The following ORC2 variants were observed in gnomAD, a reference collection of about 807,000 sequenced individuals.
ORC2 encodes origin recognition complex protein 2 homolog.
A neutral mutation model predicts 77.7 loss-of-function variants in ORC2; 37 were observed. That is an observed-to-expected ratio of 0.48 (90% CI 0.37 to 0.63). The LOEUF is 0.63. ORC2 is among the 20% of genes least tolerant of loss of function. The probability of loss-of-function intolerance (pLI) is 0.00; values close to 1 mark genes in which losing one functional copy is unlikely to be tolerated. For synonymous variants in ORC2, 201 were observed against 229.5 expected (o/e 0.88, Z 1.12); for missense variants, 557 against 661.9 (o/e 0.84, Z 1.74).
chr2:200,916,196 C>T (rs912774365), intron 15 of ORC2, among the ~76,000 whole-genome samples: 12 of 152,188 alleles, frequency 7.9e-5, no homozygotes, highest in Middle Eastern at 3.4e-3. Flanking sequence ...AAAATACTTG[C>T]ATTAGACTGG....
chr2:200,950,754 T>C (rs1169750568), intron 4 of ORC2, among the ~76,000 whole-genome samples: 1 of 152,126 alleles, frequency 6.6e-6, no homozygotes, highest in Non-Finnish European at 1.5e-5. Flanking sequence ...ATGGATTTAT[T>C]AGAAAATGGT....
At chr2:200,942,948 C>A (rs2041182399) in intron 5 of ORC2, 171 bp from the exon 6 acceptor site, 2 of 401,908 alleles carry the variant, frequency 5.0e-6, no homozygotes, top group Non-Finnish European at 8.9e-6. Flanking sequence ...AGCTGTCTTC[C>A]CAGAATCTTC....
chr2:200,931,223 A>G (rs1559012095), intron 11 of ORC2, 116 bp downstream of exon 11: 1 of 456,602 alleles, frequency 2.2e-6, no homozygotes, highest in South Asian at 4.8e-5. Context: ...TTATTTTTAT[A>G]TATGACTAAA....
chr2:200,914,829 G>A (rs1247919674), intron 15 of ORC2, among the ~76,000 whole-genome samples: 1 of 151,990 alleles, frequency 6.6e-6, no homozygotes, highest in African/African-American at 2.4e-5. Context: ...AACATCTAAA[G>A]AGAAAAATAT....
In ORC2 at chr2:200,911,868, C is replaced by T. The variant is rs16835543; in HGVS notation, c.1648-481G>A. The stretch of plus-strand genomic sequence containing the variant: ...GCTATGATGGCAGTCTCCATTTCCA[C>T]ACTTCTCATTCAGCACAGTTTAACT... On this transcript the variant is annotated intron_variant, in intron 17 of 17. Transcript: ENST00000234296. 2.4e-3 allele frequency among the ~76,000 whole-genome samples: 367 copies of T among 152,344 alleles called. 1 individual carries two copies. The highest frequency in any genetic ancestry group is 8.1e-3 in the African/African-American group (338 of 41,586).
chr2:200,927,675 G>A (rs1424717875), intron 11 of ORC2, among the ~76,000 whole-genome samples: 1 of 150,782 alleles, frequency 6.6e-6, no homozygotes, highest in African/African-American at 2.4e-5. Context: ...GGGCAACAGA[G>A]CAAGACAGTG....
At chr2:200,946,524 G>A (rs1021597586) in intron 5 of ORC2, among the ~76,000 whole-genome samples, 8 of 152,196 alleles carry the variant, frequency 5.3e-5, no homozygotes, top group Non-Finnish European at 8.8e-5. Flanking sequence ...TAATAAAGAC[G>A]AAATATCTAT....
intron 11 of ORC2, among the ~76,000 whole-genome samples, chr2:200,929,840 C>T (rs1404555752): frequency 6.6e-6 from 1 of 151,040 alleles, no homozygotes; most frequent in Non-Finnish European, 1.5e-5. Context: ...TAGGCAACTA[C>T]ACAAATGGAG....
chr2:200,912,041 T>C (rs1219042730), intron 17 of ORC2, among the ~76,000 whole-genome samples: 1 of 152,192 alleles, frequency 6.6e-6, no homozygotes, highest in Non-Finnish European at 1.5e-5. Context: ...AAAACATGCT[T>C]CTCTTGGCTT....
At chr2:200,930,293 A>G (rs1393647711) in intron 11 of ORC2, among the ~76,000 whole-genome samples, 1 of 152,218 alleles carries the variant, frequency 6.6e-6, no homozygotes, top group Non-Finnish European at 1.5e-5. Flanking sequence ...TCAGAGAGCT[A>G]GCAATTCCAA....
chr2:200,934,524 T>G (rs2041000942), intron 9 of ORC2, among the ~76,000 whole-genome samples: 1 of 151,212 alleles, frequency 6.6e-6, no homozygotes, highest in Non-Finnish European at 1.5e-5. Flanking sequence ...AGACAGGGTC[T>G]TATTATGTTA....
chr2:200,919,748 G>A (rs186461068), intron 15 of ORC2, among the ~76,000 whole-genome samples: 32 of 152,312 alleles, frequency 2.1e-4, no homozygotes, highest in African/African-American at 7.2e-4. Context: ...TGCTGTAAGG[G>A]CTTGACTGGA....
chr2:200,931,551 A>C, intron 10 of ORC2, 103 bp from the exon 11 acceptor site: 2 of 563,156 alleles, frequency 3.6e-6, no homozygotes, highest in Non-Finnish European at 6.3e-6. Context: ...AAGCCAATCC[A>C]ATTGGAATAT....
chr2:200,925,772 A>G (rs747062153), intron 13 of ORC2, 64 bp downstream of exon 13: 6 of 660,358 alleles, frequency 9.1e-6, no homozygotes, highest in Non-Finnish European at 1.6e-5. Flanking sequence ...ATATAAATAC[A>G]TGAATAAGTA....
chr2:200,938,049 A>T (rs2041079721), intron 7 of ORC2, 83 bp from the exon 8 acceptor site: 1 of 958,088 alleles, frequency 1.0e-6, no homozygotes, highest in African/African-American at 1.7e-5. Context: ...AAAAAAGAAA[A>T]ATATTTTGCT....
intron 11 of ORC2, among the ~76,000 whole-genome samples, chr2:200,927,425 T>C (rs550113960): frequency 7.3e-5 from 11 of 150,706 alleles, no homozygotes; most frequent in Admixed American, 4.0e-4. Context: ...TCAGGTGCGG[T>C]GGCTCACGCC....
intron 17 of ORC2, among the ~76,000 whole-genome samples, chr2:200,912,640 G>A (rs1162197600): frequency 2.0e-5 from 3 of 151,356 alleles, no homozygotes; most frequent in Middle Eastern, 3.4e-3. Context: ...GGCTGGTCTC[G>A]AACTCCTGGG....
Position 200,913,994 on chromosome 2 carries a change from T to TAAAAAA in ORC2, c.1467-8_1467-3dup. ...TTTATTAGTAGCCTGAAAATTCCCC[T>TAAAAAA]AAAAAAAAAAAAAAACAGGAATTTA... On this transcript the variant is annotated splice_polypyrimidine_tract_variant and splice_region_variant and intron_variant, in intron 15 of 17. Coordinates refer to ENST00000234296, the MANE Select transcript of ORC2 (RefSeq NM_006190.5). The TAAAAAA allele has an allele frequency of 3.1e-6, 4 of 1,289,968 alleles. No individual in the cohort carries two copies. The highest frequency in any genetic ancestry group is 4.3e-6 in the Non-Finnish European group (4 of 940,820). 79.9% of individuals were successfully genotyped at this position (1,289,968 alleles called of 1,614,324 possible). A position where few individuals can be genotyped will look rare whatever the true frequency, so the allele number is the denominator to read the frequency against.
At position 200,913,927 on chromosome 2, in the gene ORC2, A is replaced by C; in HGVS notation, c.1528+4T>G. 6.3e-7 allele frequency: 1 copy of C among 1,585,804 alleles called. No individual in the cohort carries two copies. Among genetic ancestry groups the C allele is most frequent in the Non-Finnish European group, 8.5e-7 (1 of 1,171,556 alleles). ...CACAATTGAATGTCATAAATATTGG[A>C]TACCAATGTAAGAAGGGTTATCCTG... On this transcript the variant is annotated splice_donor_region_variant and intron_variant, in intron 16 of 17. Transcript: ENST00000234296.
Sources: allele counts gnomAD v4.1 joint callset (sites outside exome capture counted in the v4.1 genomes callset), GRCh38; gene constraint gnomAD v4.1.1; transcripts MANE v1.5; gene names NCBI Gene and HGNC (gene_info 2026-07-23, HGNC 2026-07-21).